GOLGA3: variants seen among roughly 807,000 people sequenced by gnomAD.
GOLGA3 encodes the protein golgin A3, also known as golgin subfamily A member 3.
GOLGA3 carries 75 observed loss-of-function variants against 169.4 expected under a neutral mutation model. The observed-to-expected ratio is 0.44, with a 90% CI of 0.37 to 0.54. The LOEUF (loss-of-function observed/expected upper bound fraction) is 0.54, where lower values mean the gene tolerates loss of function less well. Ranked by LOEUF, GOLGA3 falls within the 20% of genes least tolerant of loss-of-function variation. GOLGA3 has a pLI of 0.00. For missense variants in GOLGA3, 1,899 were observed against 1,930.0 expected, an observed-to-expected ratio of 0.98 and a Z score of 0.30; for synonymous variants, 824 against 822.4, an observed-to-expected ratio of 1.00 and a Z score of -0.03.
intron 2 of GOLGA3, among the ~76,000 whole-genome samples, chr12:132,818,140 C>T (rs928008969): frequency 1.3e-5 from 2 of 150,346 alleles, no homozygotes; most frequent in Non-Finnish European, 3.0e-5. Flanking sequence ...GTGAACCCAC[C>T]CTCCACTCCT....
Position 132,771,531 on chromosome 12 carries a change from G to A in GOLGA3, c.*1574C>T, listed in dbSNP as rs1009856969. ...GGAAACAGAAGATCTCACACATGTCGTGCTGATTTTAAATAAGGCATCTGT... is the reference window on the plus strand; with the variant it reads ...GGAAACAGAAGATCTCACACATGTCATGCTGATTTTAAATAAGGCATCTGT... On this transcript the variant is annotated 3_prime_UTR_variant, in exon 24 of 24. Coordinates refer to ENST00000450791, the MANE Select transcript of GOLGA3 (RefSeq NM_001389683.1). 2.6e-5 allele frequency: 4 copies of A among 152,136 alleles called. No homozygotes were observed. Among genetic ancestry groups the A allele is most frequent in the Admixed American group, 6.5e-5 (1 of 15,268 alleles). 9.4% of individuals were successfully genotyped at this position (152,136 alleles called of 1,614,324 possible). A position where few individuals can be genotyped will look rare whatever the true frequency, so the allele number is the denominator to read the frequency against.
At chr12:132,779,180 AG>A (rs1011731555) in intron 18 of GOLGA3, among the ~76,000 whole-genome samples, 1 of 152,092 alleles carries the variant, frequency 6.6e-6, no homozygotes, top group Non-Finnish European at 1.5e-5. Flanking sequence ...TCCTGGTTCA[AG>A]CGATTCTCCT....
At chr12:132,783,177 GA>G (rs1288741076) in intron 16 of GOLGA3, among the ~76,000 whole-genome samples, 1 of 133,446 alleles carries the variant, frequency 7.5e-6, no homozygotes, top group East Asian at 2.1e-4. Context: ...ATGACAGAGT[GA>G]GACTCTGTCT....
At position 132,775,151 on chromosome 12, in the gene GOLGA3, G is replaced by A. The variant is rs760377464; in HGVS notation, c.4133C>T (p.Ala1378Val). 9 of 1,613,392 alleles carry A rather than the reference G, an allele frequency of 5.6e-6. No homozygotes were observed. Among genetic ancestry groups the A allele is most frequent in the East Asian group, 2.2e-5 (1 of 44,886 alleles). The stretch of plus-strand genomic sequence containing the variant: ...CGCGGGCCTGAGTACCGTCTTGGCC[G>A]CGCCGCGGCGTAGGTCCAGCTTGAG... ...QQLKLDLRRG[A>V]AKTRKEPKGE... Residue 1378 changes from alanine to valine, a missense_variant, in exon 22 of 24, where the codon GCG becomes GTG. Coordinates refer to ENST00000450791, the MANE Select transcript of GOLGA3 (RefSeq NM_001389683.1).
rs1566088049 is a variant in GOLGA3 at position 132,787,750 on chromosome 12, CCGGGACCCCTCCCCGGAGACCA to C, written c.2812-985_2812-964del. On this transcript the variant is annotated intron_variant, in intron 13 of 23. Transcript: ENST00000450791. ...ACCCCGGGACCCCTCCCCGGAGACC[CCGGGACCCCTCCCCGGAGACCA>C]CGGGACCCCTCCCCGGAGACCACGG... is the stretch of plus-strand genomic sequence containing the variant. Among the ~76,000 whole-genome samples the C allele has an allele frequency of 4.3e-4, 19 of 44,032 alleles. 1 individual carries two copies. The highest frequency in any genetic ancestry group is 2.8e-3 in the South Asian group (2 of 704). The allele number at this position is 44,032 out of a possible 152,430, so 28.9% of individuals were successfully genotyped here.
At chr12:132,776,121 TGGTGCTCCCGCCTGTGTCC>T (rs2045215285) in intron 21 of GOLGA3, among the ~76,000 whole-genome samples, 1 of 152,114 alleles carries the variant, frequency 6.6e-6, no homozygotes, top group East Asian at 1.9e-4. Context: ...GCCCCAGAAG[TGGTGCTCCCGCCTGTGTCC>T]AGCACCTCAT....
chr12:132,828,540 C>G (rs1297403709), intron 1 of GOLGA3: 1 of 152,350 alleles, frequency 6.6e-6, no homozygotes, highest in African/African-American at 2.4e-5. Context: ...AGGCCGCGCT[C>G]GTCGGGCGCA....
At position 132,777,547 on chromosome 12, in the gene GOLGA3, C is replaced by A; in HGVS notation, c.3722+119G>T. The A allele has an allele frequency of 8.9e-7, 1 of 1,119,372 alleles. No homozygotes were observed. Among genetic ancestry groups the A allele is most frequent in the Non-Finnish European group, 1.3e-6 (1 of 775,860 alleles). The allele number at this position is 1,119,372 out of a possible 1,614,324, so 69.3% of individuals were successfully genotyped here. ...GGGTGCCTTCTACTCCTATGATTCA[C>A]TCAAGTACTCGGCAATTTGCAAAAT... On this transcript the variant is annotated intron_variant, in intron 19 of 23. Transcript: ENST00000450791. This position sits in a 1 kb window ranked among gnomAD's most constrained non-coding sequence, Gnocchi z 4.7.
chr12:132,777,151 C>A lies in GOLGA3; in HGVS notation c.3723-61G>T, dbSNP rs566041174. 7.9e-5 allele frequency: 120 copies of A among 1,518,272 alleles called. No homozygotes were observed. The highest frequency in any genetic ancestry group is 1.0e-4 in the Non-Finnish European group (116 of 1,131,490). 94.1% of individuals were successfully genotyped at this position (1,518,272 alleles called of 1,614,324 possible). A position where few individuals can be genotyped will look rare whatever the true frequency, so the allele number is the denominator to read the frequency against. ...CGCTCCTCCAGTGTGCTGTGCCCTCCCGCTGGGAAATGCTGCCTGTGGAAG... is the reference window on the plus strand; with the variant it reads ...CGCTCCTCCAGTGTGCTGTGCCCTCACGCTGGGAAATGCTGCCTGTGGAAG... On this transcript the variant is annotated intron_variant, in intron 19 of 23. Coordinates refer to ENST00000450791, the MANE Select transcript of GOLGA3 (RefSeq NM_001389683.1). This position sits in a 1 kb window ranked among gnomAD's most constrained non-coding sequence, Gnocchi z 4.7.
intron 18 of GOLGA3, among the ~76,000 whole-genome samples, chr12:132,780,121 G>A (rs1232903185): frequency 2.2e-4 from 7 of 31,524 alleles, no homozygotes; most frequent in Non-Finnish European, 4.7e-4. Flanking sequence ...CCCCCCGCGT[G>A]CACACACCCC....
intron 1 of GOLGA3, among the ~76,000 whole-genome samples, chr12:132,824,467 G>A (rs1229499949): frequency 6.6e-6 from 1 of 152,232 alleles, no homozygotes; most frequent in Non-Finnish European, 1.5e-5. Flanking sequence ...AGAAAGCACT[G>A]TGAATAGAAA....
At position 132,813,396 on chromosome 12, in the gene GOLGA3, G is replaced by C; in HGVS notation, c.430C>G (p.Leu144Val). The change falls in exon 4 of 24, where the codon CTG (leucine) becomes GTG (valine). Residue 144 changes from leucine to valine, a missense_variant. Physicochemically the swap from Leu to Val is conservative, Grantham distance 32. Coordinates refer to ENST00000450791, the MANE Select transcript of GOLGA3 (RefSeq NM_001389683.1). ...QLCSTDSPLPLEKEEQVRLQA... is the reference protein window; with the variant it reads ...QLCSTDSPLPVEKEEQVRLQA... ...AGTCGGACCTGCTCCTCCTTCTCCA[G>C]GGGCAGGGGAGAATCTGTAGAGCCT... 1 of 1,611,246 alleles carries C rather than the reference G, an allele frequency of 6.2e-7. No individual in the cohort carries two copies. The highest frequency in any genetic ancestry group is 8.5e-7 in the Non-Finnish European group (1 of 1,178,298).
intron 3 of GOLGA3, among the ~76,000 whole-genome samples, chr12:132,816,090 C>T (rs759075012): frequency 1.3e-5 from 2 of 151,946 alleles, no homozygotes; most frequent in Non-Finnish European, 2.9e-5. Flanking sequence ...CCCAGCTACT[C>T]GGGAGGCCGA....
At chr12:132,826,595 G>A (rs1447318985) in intron 1 of GOLGA3, among the ~76,000 whole-genome samples, 1 of 152,066 alleles carries the variant, frequency 6.6e-6, no homozygotes, top group African/African-American at 2.4e-5. Context: ...CTCCAGAACA[G>A]AGACCCCATG....
intron 23 of GOLGA3, 69 bp from the exon 24 acceptor site, chr12:132,773,363 C>T (rs756705119): frequency 2.0e-6 from 2 of 1,006,648 alleles, no homozygotes; most frequent in Non-Finnish European, 2.8e-6. Flanking sequence ...CACCTGTGGA[C>T]AGCGTCACTC....
At chr12:132,788,912 CCCAGACAGACCCCG>C in intron 13 of GOLGA3, 101 bp downstream of exon 13, 2 of 578,464 alleles carry the variant, frequency 3.5e-6, no homozygotes, top group Admixed American at 3.7e-5. Context: ...CAGGCCCCGA[CCCAGACAGACCCCG>C]CCCCAGACAC....
At chr12:132,774,089 T>A (rs1026450207) in intron 23 of GOLGA3, 68 bp downstream of exon 23, 1 of 1,422,012 alleles carries the variant, frequency 7.0e-7, no homozygotes, top group Non-Finnish European at 9.5e-7. Context: ...GCACCAGGAG[T>A]GCCCTCCCAG....
rs563973169 is a variant in GOLGA3, at chr12:132,786,007, C to T, written c.3123+332G>A. Among the ~76,000 whole-genome samples, 3 of 152,344 alleles carry T rather than the reference C, an allele frequency of 2.0e-5. No homozygotes were observed. The East Asian group carries it at 5.8e-4, about 29-fold the overall frequency. ...CTTTTCCTCCTGAGATGCGAGGAGG[C>T]GCAGAGGCAGCTGGAACGCGAGCGG... On this transcript the variant is annotated intron_variant, in intron 15 of 23. Transcript: ENST00000450791.
chr12:132,810,355 G>A (rs1033157471), intron 4 of GOLGA3, among the ~76,000 whole-genome samples: 20 of 152,198 alleles, frequency 1.3e-4, no homozygotes, highest in African/African-American at 3.9e-4. Context: ...ACGTGTGGGC[G>A]GCAAGCCACC....
Sources: gnomAD v4.1 joint callset for allele counts (sites outside exome capture counted in the v4.1 genomes callset) on GRCh38, gnomAD v4.1.1 for gene constraint, Gnocchi (gnomAD v3.1) non-coding constraint, MANE v1.5 for transcripts, NCBI Gene and HGNC (gene_info 2026-07-23, HGNC 2026-07-21) for gene names.